GLI1: variants seen among roughly 807,000 people sequenced by gnomAD.
GLI1 encodes transcription activator GLI1.
A neutral mutation model predicts 87.8 loss-of-function variants in GLI1; 51 were observed. That is an observed-to-expected ratio of 0.58 (90% CI 0.46 to 0.73). The LOEUF is 0.73. GLI1 is among the 30% of genes least tolerant of loss of function. GLI1 has a pLI of 0.00. For synonymous variants in GLI1, 528 were observed against 558.2 expected (o/e 0.95, Z 0.76); for missense variants, 1,292 against 1,437.2 (o/e 0.90, Z 1.63).
intron 1 of GLI1, among the ~76,000 whole-genome samples, chr12:57,460,838 C>T (rs1053196098): frequency 6.6e-5 from 10 of 152,064 alleles, no homozygotes; most frequent in African/African-American, 2.2e-4. Flanking sequence ...AATTTGGACT[C>T]CTGAGTCCCA....
chr12:57,466,684 A>G (rs570739074), intron 8 of GLI1, among the ~76,000 whole-genome samples: 27 of 152,206 alleles, frequency 1.8e-4, no homozygotes, highest in Non-Finnish European at 3.1e-4. Flanking sequence ...CAGGCAGATC[A>G]CAAGGTCAGG....
chr12:57,468,291 T>C, intron 10 of GLI1, 67 bp downstream of exon 10: 1 of 1,010,046 alleles, frequency 9.9e-7, no homozygotes, highest in Non-Finnish European at 1.5e-6. Context: ...TTCTAGTTAC[T>C]TCCCAACCCA....
intron 8 of GLI1, 133 bp from the exon 9 acceptor site, chr12:57,467,200 A>G (rs1427742390): frequency 1.5e-6 from 1 of 677,528 alleles, no homozygotes. Context: ...AGTTTTGGGA[A>G]TTCTCTCGAA....
In GLI1 at chr12:57,471,334, A is replaced by G. The variant is rs1372410554; in HGVS notation, c.2594A>G (p.Tyr865Cys). 6 of 1,580,420 alleles carry G rather than the reference A, an allele frequency of 3.8e-6. No individual in the cohort carries two copies. The African/African-American group carries it at 8.2e-5, about 22-fold the overall frequency. Residue 865 changes from tyrosine to cysteine, a missense_variant, in exon 12 of 12, where the codon TAT (tyrosine) becomes TGT (cysteine). Tyr to Cys is a radical substitution (Grantham distance 194, BLOSUM62 -2). Transcript: ENST00000228682. This position sits in a 1 kb window ranked among gnomAD's most constrained non-coding sequence, Gnocchi z 4.9. The stretch of plus-strand genomic sequence containing the variant: ...CCCCAATATCTCCAGTCAGGCCCCT[A>G]TACCCAGCCACCCCCTGATTATCTT... ...SPPQYLQSGP[Y>C]TQPPPDYLPS...
At position 57,471,330 on chromosome 12, in the gene GLI1, C is replaced by A; in HGVS notation, c.2590C>A (p.Pro864Thr). ...PSPPQYLQSG[P>T]YTQPPPDYLP... ...TCCTCCCCAATATCTCCAGTCAGGC[C>A]CCTATACCCAGCCACCCCCTGATTA... Residue 864 changes from proline (P) to threonine (T), a missense_variant, in exon 12 of 12, where the codon CCC (proline) becomes ACC (threonine). Physicochemically the swap from Pro to Thr is conservative, Grantham distance 38 (BLOSUM62 -1). Coordinates refer to ENST00000228682, the MANE Select transcript of GLI1 (RefSeq NM_005269.3). The surrounding 1 kb of genome is among the most constrained non-coding windows in gnomAD (Gnocchi z 4.9). 1 of 1,581,790 alleles carries A rather than the reference C, an allele frequency of 6.3e-7. No homozygotes were observed. The highest frequency in any genetic ancestry group is 8.6e-7 in the Non-Finnish European group (1 of 1,163,844).
At position 57,466,292 on chromosome 12, in the gene GLI1, G is replaced by C. The variant is rs368789621; in HGVS notation, c.815G>C (p.Trp272Ser). 15 of 1,612,728 alleles carry C rather than the reference G, an allele frequency of 9.3e-6. No individual in the cohort carries two copies. Among genetic ancestry groups the C allele is most frequent in the Non-Finnish European group, 1.1e-5 (13 of 1,179,086 alleles). Residue 272 changes from tryptophan (W) to serine (S), a missense_variant, in exon 8 of 12, where the codon TGG becomes TCG. By Grantham distance (177) the Trp-to-Ser change is radical (BLOSUM62 -3). Transcript: ENST00000228682. ...GAGCGGAAGGAGTTCGTGTGCCACT[G>C]GGGGGGCTGCTCCAGGGAGCTGAGG... ...HGERKEFVCH[W>S]GGCSRELRPF...
chr12:57,470,779 T>G lies in GLI1; in HGVS notation c.2039T>G (p.Leu680Arg). 1 of 1,613,068 alleles carries G rather than the reference T, an allele frequency of 6.2e-7. No homozygotes were observed. Among genetic ancestry groups the G allele is most frequent in the Non-Finnish European group, 8.5e-7 (1 of 1,179,596 alleles). Residue 680 changes from leucine to arginine, a missense_variant, in exon 12 of 12, where the codon CTC (leucine) becomes CGC (arginine). By Grantham distance (102) the Leu-to-Arg change is moderately radical. Coordinates refer to ENST00000228682, the MANE Select transcript of GLI1 (RefSeq NM_005269.3). ...AGGGQNFDPY[L>R]PTSVYSPQPP... ...GGAGGACAGAACTTTGATCCTTACCTCCCAACCTCTGTCTACTCACCACAG... is the reference window on the plus strand; with the variant it reads ...GGAGGACAGAACTTTGATCCTTACCGCCCAACCTCTGTCTACTCACCACAG...
chr12:57,466,164 G>C (rs576667607), intron 7 of GLI1, 76 bp from the exon 8 acceptor site: 17 of 1,453,098 alleles, frequency 1.2e-5, no homozygotes, highest in Non-Finnish European at 1.5e-5. Context: ...AGAGGAACAG[G>C]GGGTGGAGGG....
rs982600046 is a variant in GLI1 at position 57,467,606 on chromosome 12, C to T, written c.1077+109C>T. 8.1e-5 allele frequency: 74 copies of T among 908,552 alleles called. 2 individuals carry two copies. In the South Asian group the frequency reaches 1.1e-3, roughly 14 times the overall value. 56.3% of individuals were successfully genotyped at this position (908,552 alleles called of 1,614,324 possible). A position where few individuals can be genotyped will look rare whatever the true frequency, so the allele number is the denominator to read the frequency against. ...CACCCACTCCACAGAGGTGAGTCCCCCTCCCCACATAATTCGCCCAGAAAA... is the reference window on the plus strand; with the variant it reads ...CACCCACTCCACAGAGGTGAGTCCCTCTCCCCACATAATTCGCCCAGAAAA... On this transcript the variant is annotated intron_variant, in intron 9 of 11. Coordinates refer to ENST00000228682, the MANE Select transcript of GLI1 (RefSeq NM_005269.3).
At position 57,465,179 on chromosome 12, in the gene GLI1, C is replaced by T. The variant is rs777248037; in HGVS notation, c.458C>T (p.Pro153Leu). 1.2e-6 allele frequency: 2 copies of T among 1,613,402 alleles called. No homozygotes were observed. Among genetic ancestry groups the T allele is most frequent in the Admixed American group, 3.3e-5 (2 of 60,022 alleles). Residue 153 changes from proline to leucine, a missense_variant, in exon 5 of 12, where the codon CCT (proline) becomes CTT (leucine). Pro to Leu is a moderately conservative substitution (Grantham distance 98). Transcript: ENST00000228682. ...CCCTCGCCTTCCTTTGGGGTCCAGC[C>T]TTGTGGTCCCCATGACTCTGCCCGG... ...KGPSPSFGVQPCGPHDSARGG... is the reference protein window; with the variant it reads ...KGPSPSFGVQLCGPHDSARGG...
In GLI1 at chr12:57,471,872, C is replaced by G. The variant is rs745789152; in HGVS notation, c.3132C>G (p.Asn1044Lys). Residue 1044 changes from asparagine to lysine, a missense_variant, in exon 12 of 12, where the codon AAC (asparagine) becomes AAG (lysine). Coordinates refer to ENST00000228682, the MANE Select transcript of GLI1 (RefSeq NM_005269.3). This position sits in a 1 kb window ranked among gnomAD's most constrained non-coding sequence, Gnocchi z 4.9. Reference protein sequence around the residue: ...CNPLDSLDLDNTQLDFVAILD... With the variant: ...CNPLDSLDLDKTQLDFVAILD... Reference sequence around the variant, plus strand: ...CCCTGGACTCTCTTGATCTTGACAACACTCAGCTGGACTTTGTGGCTATTC... The same window carrying G: ...CCCTGGACTCTCTTGATCTTGACAAGACTCAGCTGGACTTTGTGGCTATTC... The G allele has an allele frequency of 1.9e-6, 3 of 1,596,206 alleles. No homozygotes were observed. Among genetic ancestry groups the G allele is most frequent in the Non-Finnish European group, 2.6e-6 (3 of 1,171,970 alleles).
chr12:57,472,154 A>C lies in GLI1; in HGVS notation c.*93A>C. 3 of 819,850 alleles carry C rather than the reference A, an allele frequency of 3.7e-6. No homozygotes were observed. The highest frequency in any genetic ancestry group is 5.5e-6 in the Non-Finnish European group (3 of 544,930). The allele number at this position is 819,850 out of a possible 1,614,324, so 50.8% of individuals were successfully genotyped here. On this transcript the variant is annotated 3_prime_UTR_variant, in exon 12 of 12. Coordinates refer to ENST00000228682, the MANE Select transcript of GLI1 (RefSeq NM_005269.3). ...GGGGAGCTGCAGTCCCATGCACAAG[A>C]TGCCCCAGGGATGGGAGGTATGGGC...
In GLI1 at chr12:57,471,432, G is replaced by C; in HGVS notation, c.2692G>C (p.Val898Leu). ...HSTGQLKAQLVCNYVQSQQEL... is the reference protein window; with the variant it reads ...HSTGQLKAQLLCNYVQSQQEL... Reference sequence around the variant, plus strand: ...CACAGGGCAGCTCAAGGCTCAGCTTGTGTGTAATTATGTTCAATCTCAACA... The same window carrying C: ...CACAGGGCAGCTCAAGGCTCAGCTTCTGTGTAATTATGTTCAATCTCAACA... Residue 898 changes from valine to leucine, a missense_variant, in exon 12 of 12, where the codon GTG (valine) becomes CTG (leucine). Val to Leu is a conservative substitution (Grantham distance 32). Around this residue, in one of 3 missense-constraint regions of GLI1, gnomAD observed 897 missense variants for 1,040.7 expected, o/e 0.86. Coordinates refer to ENST00000228682, the MANE Select transcript of GLI1 (RefSeq NM_005269.3). This position sits in a 1 kb window ranked among gnomAD's most constrained non-coding sequence, Gnocchi z 4.9. 7 of 1,613,876 alleles carry C rather than the reference G, an allele frequency of 4.3e-6. No individual in the cohort carries two copies. Among genetic ancestry groups the C allele is most frequent in the African/African-American group, 1.3e-5 (1 of 75,000 alleles).
In GLI1 at chr12:57,471,522, C is replaced by T; in HGVS notation, c.2782C>T (p.Pro928Ser). The change falls in exon 12 of 12, where the codon CCC becomes TCC. Residue 928 changes from proline to serine, a missense_variant. Around this residue, in one of 3 missense-constraint regions of GLI1, gnomAD observed 897 missense variants for 1,040.7 expected, o/e 0.86. Transcript: ENST00000228682. This position sits in a 1 kb window ranked among gnomAD's most constrained non-coding sequence, Gnocchi z 4.9. ...CGCCCAGGAACCTTCCTACCAGAGTCCCAAGTTTCTGGGGGGTTCCCAGGT... is the reference window on the plus strand; with the variant it reads ...CGCCCAGGAACCTTCCTACCAGAGTTCCAAGTTTCTGGGGGGTTCCCAGGT... ...APAQEPSYQS[P>S]KFLGGSQVSP... The T allele has an allele frequency of 1.2e-6, 2 of 1,612,482 alleles. No homozygotes were observed. Among genetic ancestry groups the T allele is most frequent in the Non-Finnish European group, 8.5e-7 (1 of 1,179,350 alleles).
intron 10 of GLI1, 39 bp downstream of exon 10, chr12:57,468,263 C>T: frequency 7.3e-7 from 1 of 1,371,506 alleles, no homozygotes; most frequent in Non-Finnish European, 1.0e-6. Context: ...CATACCCCAG[C>T]CCACCCTGTG....
At chr12:57,465,539 C>A in intron 5 of GLI1, 68 bp from the exon 6 acceptor site, 1 of 1,316,648 alleles carries the variant, frequency 7.6e-7, no homozygotes, top group South Asian at 1.2e-5. Context: ...GCAGGAAGAC[C>A]TGGCTTGGTT....
intron 4 of GLI1, 46 bp downstream of exon 4, chr12:57,464,914 G>A (rs746301712): frequency 1.4e-6 from 2 of 1,469,844 alleles, no homozygotes; most frequent in South Asian, 2.3e-5. Flanking sequence ...CCCTACCCAA[G>A]TCCATTAAAA....
chr12:57,465,828 A>C lies in GLI1; in HGVS notation c.665A>C (p.Glu222Ala). The C allele has an allele frequency of 6.2e-7, 1 of 1,614,096 alleles. No individual in the cohort carries two copies. The highest frequency in any genetic ancestry group is 8.5e-7 in the Non-Finnish European group (1 of 1,179,940). The change falls in exon 7 of 12, where the codon GAG becomes GCG. Residue 222 changes from glutamate to alanine, a missense_variant. Coordinates refer to ENST00000228682, the MANE Select transcript of GLI1 (RefSeq NM_005269.3). ...ATGCTGGATGGGCGGGAGGACCTCG[A>C]GAGAGAGGAGAAGCGTGAGCCTGAA... ...LGMLDGREDLEREEKREPESV... is the reference protein window; with the variant it reads ...LGMLDGREDLAREEKREPESV...
At position 57,470,479 on chromosome 12, in the gene GLI1, G is replaced by C; in HGVS notation, c.1739G>C (p.Gly580Ala). The change falls in exon 12 of 12, where the codon GGC (glycine) becomes GCC (alanine). Residue 580 changes from glycine (G) to alanine (A), a missense_variant. Gly to Ala is a moderately conservative substitution (Grantham distance 60, BLOSUM62 0). Around this residue, in one of 3 missense-constraint regions of GLI1, gnomAD observed 897 missense variants for 1,040.7 expected, o/e 0.86. Coordinates refer to ENST00000228682, the MANE Select transcript of GLI1 (RefSeq NM_005269.3). ...PPENGASSLP[G>A]LMPAQHYLLR... ...GAGAATGGAGCATCCTCCCTGCCTG[G>C]CCTTATGCCTGCCCAGCACTACCTG... 1 of 1,614,080 alleles carries C rather than the reference G, an allele frequency of 6.2e-7. No individual in the cohort carries two copies. The highest frequency in any genetic ancestry group is 8.5e-7 in the Non-Finnish European group (1 of 1,179,972).
Sources: gnomAD v4.1 joint callset for allele counts (sites outside exome capture counted in the v4.1 genomes callset) on GRCh38, gnomAD v4.1.1 for gene constraint, gnomAD v4.1.1 regional missense constraint, Gnocchi (gnomAD v3.1) non-coding constraint, MANE v1.5 for transcripts, NCBI Gene and HGNC (gene_info 2026-07-23, HGNC 2026-07-21) for gene names.